The following CCDC178 variants were observed in gnomAD, a reference collection of about 807,000 sequenced individuals.
CCDC178 encodes the protein coiled-coil domain containing 178.
Under a neutral mutation model 117.4 loss-of-function variants are expected in CCDC178, and 126 were observed. That is an observed-to-expected ratio of 1.07 (90% CI 0.93 to 1.24). The LOEUF (loss-of-function observed/expected upper bound fraction) is 1.24, where lower values mean the gene tolerates loss of function less well. CCDC178 is among the 50% of genes most tolerant of loss of function. CCDC178 has a pLI of 0.00. For missense variants in CCDC178, 1,030 were observed against 986.9 expected (o/e 1.04, Z -0.59); for synonymous variants, 283 against 313.4 (o/e 0.90, Z 1.02).
At chr18:32,989,764 G>C (rs1023213363) in intron 21 of CCDC178, among the ~76,000 whole-genome samples, 2 of 151,650 alleles carry the variant, frequency 1.3e-5, no homozygotes, top group Non-Finnish European at 2.9e-5. Flanking sequence ...GTGAGCTGTA[G>C]TTATACAACA....
intron 21 of CCDC178, among the ~76,000 whole-genome samples, chr18:33,079,589 C>T (rs1201995857): frequency 2.0e-5 from 3 of 146,652 alleles, no homozygotes; most frequent in African/African-American, 8.1e-5. Context: ...AAGCCAAAAA[C>T]AAACAACCCA....
intron 21 of CCDC178, among the ~76,000 whole-genome samples, chr18:33,088,334 T>C (rs1567980910): frequency 1.3e-5 from 2 of 152,242 alleles, no homozygotes; most frequent in African/African-American, 2.4e-5. Flanking sequence ...TATGTTGGGA[T>C]TTTTATTGGG....
intron 21 of CCDC178, among the ~76,000 whole-genome samples, chr18:32,993,796 AG>A (rs895414857): frequency 1.7e-4 from 26 of 152,200 alleles, no homozygotes; most frequent in Admixed American, 1.6e-3. Flanking sequence ...GTGCATAAAA[AG>A]TCCTCAACAA....
Position 33,293,304 on chromosome 18 carries a change from A to C in CCDC178, c.1031T>G (p.Ile344Arg), listed in dbSNP as rs2062061979. 6.7e-7 allele frequency: 1 copy of C among 1,493,024 alleles called. No individual in the cohort carries two copies. The highest frequency in any genetic ancestry group is 9.2e-7 in the Non-Finnish European group (1 of 1,081,804). The allele number at this position is 1,493,024 out of a possible 1,614,324, so 92.5% of individuals were successfully genotyped here. A position where few individuals can be genotyped will look rare whatever the true frequency, so the allele number is the denominator to read the frequency against. Residue 344 changes from isoleucine to arginine, a missense_variant, in exon 12 of 23, where the codon ATA becomes AGA. By Grantham distance (97) the Ile-to-Arg change is moderately conservative (BLOSUM62 -3). Coordinates refer to ENST00000383096, the MANE Select transcript of CCDC178 (RefSeq NM_001105528.4). Reference protein sequence around the residue: ...EKTIEAYKREIYQLNSLFDHY... With the variant: ...EKTIEAYKRERYQLNSLFDHY... ...ATCAAATAGACTGTTAAGTTGATAT[A>C]TCTCTCTCCTAGGGATAAAAACACA...
At chr18:33,029,878 T>C (rs2056301817) in intron 21 of CCDC178, among the ~76,000 whole-genome samples, 1 of 152,008 alleles carries the variant, frequency 6.6e-6, no homozygotes, top group Non-Finnish European at 1.5e-5. Flanking sequence ...TTTGTAAAGT[T>C]ATTTGGGGCT....
intron 15 of CCDC178, among the ~76,000 whole-genome samples, chr18:33,232,318 T>G (rs182529655): frequency 1.3e-5 from 2 of 152,006 alleles, no homozygotes; most frequent in Admixed American, 6.6e-5. Context: ...AAACCCACAT[T>G]CAAAGAGAAA....
At chr18:32,980,309 C>A (rs1404058213) in intron 21 of CCDC178, among the ~76,000 whole-genome samples, 1 of 152,020 alleles carries the variant, frequency 6.6e-6, no homozygotes, top group African/African-American at 2.4e-5. Flanking sequence ...CCCGGCCGGG[C>A]GCGGTGGCTC....
chr18:33,308,468 G>C (rs975972635), intron 11 of CCDC178, among the ~76,000 whole-genome samples: 2 of 152,162 alleles, frequency 1.3e-5, no homozygotes, highest in African/African-American at 4.8e-5. Context: ...TGGGCAGAAG[G>C]GACTTGCCTT....
intron 12 of CCDC178, among the ~76,000 whole-genome samples, chr18:33,271,581 G>A (rs1241678604): frequency 2.6e-5 from 4 of 151,302 alleles, no homozygotes; most frequent in African/African-American, 7.3e-5. Context: ...TAACAATCAC[G>A]AATATGAATC....
chr18:33,047,063 A>G (rs2056657331), intron 21 of CCDC178, among the ~76,000 whole-genome samples: 1 of 152,224 alleles, frequency 6.6e-6, no homozygotes, highest in Non-Finnish European at 1.5e-5. Context: ...TGCAAGAAAT[A>G]CATATAATGA....
At chr18:33,320,813 G>A (rs1180219314) in intron 11 of CCDC178, among the ~76,000 whole-genome samples, 1 of 152,122 alleles carries the variant, frequency 6.6e-6, no homozygotes, top group Non-Finnish European at 1.5e-5. Flanking sequence ...CAAAGCTGGA[G>A]GCATCACACT....
intron 21 of CCDC178, among the ~76,000 whole-genome samples, chr18:32,988,079 A>AAATAATAATAATAAT (rs145642185): frequency 1.4e-5 from 2 of 141,234 alleles, no homozygotes. Flanking sequence ...ATCCGTCTCA[A>AAATAATAATAATAAT]AATAATAATA....
At chr18:33,393,578 A>G (rs1599263564) in intron 4 of CCDC178, among the ~76,000 whole-genome samples, 1 of 152,252 alleles carries the variant, frequency 6.6e-6, no homozygotes, top group Middle Eastern at 3.4e-3. Flanking sequence ...TGCAATAATG[A>G]AATTAAATGC....
At chr18:33,152,959 C>T (rs2144348644) in intron 20 of CCDC178, among the ~76,000 whole-genome samples, 1 of 150,390 alleles carries the variant, frequency 6.6e-6, no homozygotes, top group South Asian at 2.1e-4. Flanking sequence ...AGAAAAGAGA[C>T]TATAGGAAGG....
chr18:33,042,855 ATGG>A (rs1366505977), intron 21 of CCDC178, among the ~76,000 whole-genome samples: 1 of 151,952 alleles, frequency 6.6e-6, no homozygotes, highest in African/African-American at 2.4e-5. Flanking sequence ...TGAGAAGATA[ATGG>A]TGGAGAATTT....
chr18:33,245,828 T>C (rs1374499272), intron 14 of CCDC178, among the ~76,000 whole-genome samples: 1 of 151,916 alleles, frequency 6.6e-6, no homozygotes, highest in Non-Finnish European at 1.5e-5. Flanking sequence ...AGAGCAAAGT[T>C]TCTCAACTTC....
chr18:33,391,134 G>A (rs901121741), intron 4 of CCDC178, among the ~76,000 whole-genome samples: 3 of 149,796 alleles, frequency 2.0e-5, no homozygotes, highest in African/African-American at 4.9e-5. Context: ...AAATAATACA[G>A]AAAAAAATTA....
chr18:33,039,496 G>A (rs996273694), intron 21 of CCDC178, among the ~76,000 whole-genome samples: 2 of 151,984 alleles, frequency 1.3e-5, no homozygotes, highest in African/African-American at 2.4e-5. Context: ...ATTGATCAGT[G>A]GCTACAGGGA....
At chr18:33,425,438 C>G (rs531872853) in intron 2 of CCDC178, among the ~76,000 whole-genome samples, 1 of 152,138 alleles carries the variant, frequency 6.6e-6, no homozygotes, top group Non-Finnish European at 1.5e-5. Context: ...CTCAGATTCT[C>G]TTTTTATAGT....
Sources: gnomAD v4.1 joint callset for allele counts (sites outside exome capture counted in the v4.1 genomes callset) on GRCh38, gnomAD v4.1.1 for gene constraint, MANE v1.5 for transcripts, NCBI Gene and HGNC (gene_info 2026-07-23, HGNC 2026-07-21) for gene names.